The following LRRK2 variants were observed in gnomAD, a reference collection of about 807,000 sequenced individuals.
LRRK2 encodes the protein leucine-rich repeat serine/threonine-protein kinase 2.
Under a neutral mutation model 302.6 loss-of-function variants are expected in LRRK2, and 203 were observed. That is an observed-to-expected ratio of 0.67 (90% CI 0.60 to 0.75). LRRK2 has a LOEUF of 0.75. LRRK2 is among the 30% of genes least tolerant of loss of function. The pLI, the probability that LRRK2 is intolerant of heterozygous loss-of-function variation, is 0.00. For missense variants in LRRK2, 2,830 were observed against 2,951.0 expected (o/e 0.96, Z 0.95); for synonymous variants, 1,066 against 1,031.9 (o/e 1.03, Z -0.63).
chr12:40,299,080 T>G (rs763719438), intron 24 of LRRK2, 29 bp from the exon 25 acceptor site: 11 of 1,609,130 alleles, frequency 6.8e-6, no homozygotes, highest in East Asian at 2.2e-5. Context: ...TTTATGCAAT[T>G]TAATCATTAT....
At chr12:40,335,350 C>T (rs1403230753) in intron 40 of LRRK2, among the ~76,000 whole-genome samples, 193 bp downstream of exon 40, 2 of 152,194 alleles carry the variant, frequency 1.3e-5, no homozygotes, top group East Asian at 3.8e-4. Flanking sequence ...TGCAGAACCT[C>T]ATAGCAAGTA....
At chr12:40,288,465 A>G (rs573796988) in intron 20 of LRRK2, among the ~76,000 whole-genome samples, 3 of 151,788 alleles carry the variant, frequency 2.0e-5, no homozygotes, top group Non-Finnish European at 4.4e-5. Context: ...CTGACAATGT[A>G]GATTAATGTT....
At chr12:40,281,755 T>A (rs1943705290) in intron 18 of LRRK2, among the ~76,000 whole-genome samples, 1 of 152,224 alleles carries the variant, frequency 6.6e-6, no homozygotes, top group Admixed American at 6.5e-5. Context: ...TAAAGTCAGC[T>A]TGGATAGTTT....
chr12:40,227,533 A>G (rs1940958884), intron 2 of LRRK2, among the ~76,000 whole-genome samples: 1 of 152,094 alleles, frequency 6.6e-6, no homozygotes, highest in Non-Finnish European at 1.5e-5. Context: ...TTCCGCTCCT[A>G]CATATGAGTG....
rs1193537435 is a variant in LRRK2, at chr12:40,322,197, T to G, written c.5317+16T>G. The G allele has an allele frequency of 6.2e-7, 1 of 1,606,584 alleles. No individual in the cohort carries two copies. The highest frequency in any genetic ancestry group is 8.5e-7 in the Non-Finnish European group (1 of 1,175,402). ...TGTAGAAAAGGTAAGGAAATCAATT[T>G]GAATGTTTTCAATTGCAACACTAAA... On this transcript the variant is annotated intron_variant, in intron 36 of 50. Transcript: ENST00000298910.
At chr12:40,363,585 A>C in intron 48 of LRRK2, 31 bp downstream of exon 48, 1 of 1,604,452 alleles carries the variant, frequency 6.2e-7, no homozygotes, top group Non-Finnish European at 8.5e-7. Context: ...TTTTATTCCC[A>C]AAAGAATTAT....
rs568082182 is a variant in LRRK2 at position 40,259,988 on chromosome 12, A to G, written c.1543+384A>G. Among the ~76,000 whole-genome samples, 341 of 151,904 alleles carry G rather than the reference A, an allele frequency of 2.2e-3. 3 individuals carry two copies. The highest frequency in any genetic ancestry group is 7.9e-3 in the African/African-American group (326 of 41,418). ...ATACCTGTTCTCTTCCTTCATTTCT[A>G]TCCTTTTCTTACTCTATGATTGAAT... is the stretch of plus-strand genomic sequence containing the variant. On this transcript the variant is annotated intron_variant, in intron 13 of 50. Transcript: ENST00000298910.
chr12:40,257,215 CAT>C, intron 11 of LRRK2, 31 bp from the exon 12 acceptor site: 1 of 1,431,444 alleles, frequency 7.0e-7, no homozygotes, highest in Non-Finnish European at 9.8e-7. Flanking sequence ...AATATGCTTT[CAT>C]ATCTATAAGT....
chr12:40,349,861 C>T (rs1026501147), intron 43 of LRRK2, among the ~76,000 whole-genome samples: 3 of 152,202 alleles, frequency 2.0e-5, no homozygotes, highest in African/African-American at 7.2e-5. Context: ...TCTTCTCAAG[C>T]GTCTTTCAAT....
At chr12:40,327,957 G>A (rs189041148) in intron 38 of LRRK2, among the ~76,000 whole-genome samples, 1 of 152,316 alleles carries the variant, frequency 6.6e-6, no homozygotes, top group Admixed American at 6.5e-5. Context: ...AGGAGAAAAG[G>A]TAATAAATGT....
chr12:40,259,229 G>A (rs986580005), intron 12 of LRRK2, among the ~76,000 whole-genome samples: 1 of 152,258 alleles, frequency 6.6e-6, no homozygotes, highest in Middle Eastern at 3.4e-3. Context: ...TTGACCCATC[G>A]TAGGTCAGAA....
At chr12:40,263,700 A>G (rs1355847873) in intron 13 of LRRK2, 89 bp from the exon 14 acceptor site, 1 of 917,352 alleles carries the variant, frequency 1.1e-6, no homozygotes, top group African/African-American at 1.7e-5. Flanking sequence ...TTGTGAGATT[A>G]ATTATGACAA....
chr12:40,259,746 G>T, intron 13 of LRRK2, 142 bp downstream of exon 13: 6 of 1,000,268 alleles, frequency 6.0e-6, no homozygotes, highest in Non-Finnish European at 8.9e-6. Context: ...ACCAAAAAGA[G>T]GTTAAATATG....
intron 39 of LRRK2, among the ~76,000 whole-genome samples, chr12:40,334,650 TTGAG>T (rs1264585505): frequency 2.0e-5 from 3 of 152,106 alleles, no homozygotes; most frequent in African/African-American, 7.2e-5. Flanking sequence ...CATCTTCACA[TTGAG>T]TGGGCTGAGG....
chr12:40,233,654 A>T (rs117544909), intron 3 of LRRK2, among the ~76,000 whole-genome samples: 2,340 of 152,344 alleles, frequency 0.015, 36 homozygotes, highest in Middle Eastern at 0.082. Flanking sequence ...GTAATTAGGA[A>T]TTGTAACTTT....
intron 4 of LRRK2, among the ~76,000 whole-genome samples, chr12:40,236,361 TG>T (rs1429630434): frequency 6.6e-6 from 1 of 152,216 alleles, no homozygotes; most frequent in Non-Finnish European, 1.5e-5. Flanking sequence ...GAAGTTGCTT[TG>T]GCCACTAAGA....
chr12:40,327,253 A>G (rs897316698), intron 38 of LRRK2, among the ~76,000 whole-genome samples: 1 of 152,218 alleles, frequency 6.6e-6, no homozygotes, highest in Non-Finnish European at 1.5e-5. Flanking sequence ...CTTCAAGGGT[A>G]TGGAGGCCTG....
chr12:40,320,629 A>C (rs940623166), intron 34 of LRRK2, among the ~76,000 whole-genome samples: 2 of 152,072 alleles, frequency 1.3e-5, no homozygotes, highest in Admixed American at 1.3e-4. Flanking sequence ...GCTCTAAGCA[A>C]CTGGGAAATT....
intron 6 of LRRK2, among the ~76,000 whole-genome samples, chr12:40,242,744 A>C (rs1274557281): frequency 2.0e-5 from 3 of 146,686 alleles, no homozygotes; most frequent in Non-Finnish European, 3.0e-5. Flanking sequence ...GACCCTCCAC[A>C]ATGGTTGAAC....
Sources: allele counts gnomAD v4.1 joint callset (sites outside exome capture counted in the v4.1 genomes callset), GRCh38; gene constraint gnomAD v4.1.1; transcripts MANE v1.5; gene names NCBI Gene and HGNC (gene_info 2026-07-23, HGNC 2026-07-21).